Variants in USP24 observed in about 807,000 individuals in gnomAD.
USP24 encodes the protein ubiquitin specific peptidase 24.
Under a neutral mutation model 361.6 loss-of-function variants are expected in USP24, and 97 were observed. That is an observed-to-expected ratio of 0.27 (90% CI 0.23 to 0.32). The LOEUF (loss-of-function observed/expected upper bound fraction) is 0.32, where lower values mean the gene tolerates loss of function less well. Ranked by LOEUF, USP24 falls within the 10% of genes least tolerant of loss-of-function variation. USP24 has a pLI of 1.00. For missense variants in USP24, 2,353 were observed against 3,165.6 expected (o/e 0.74, Z 6.16); for synonymous variants, 1,098 against 1,124.6 (o/e 0.98, Z 0.47).
At chr1:55,198,402 G>A (rs568747224) in intron 1 of USP24, among the ~76,000 whole-genome samples, 1 of 152,178 alleles carries the variant, frequency 6.6e-6, no homozygotes, top group South Asian at 2.1e-4. Flanking sequence ...AGGCATTTCC[G>A]TTTTTGTGTG....
intron 56 of USP24, 147 bp from the exon 57 acceptor site, chr1:55,084,035 A>G: frequency 1.5e-6 from 1 of 655,746 alleles, no homozygotes; most frequent in Non-Finnish European, 2.6e-6. Flanking sequence ...TATGCTTTGA[A>G]GAGCAAAAAC....
Position 55,096,551 on chromosome 1 carries a change from G to A in USP24, c.6008C>T (p.Thr2003Ile), listed in dbSNP as rs771580949. ...TCCTCCAAAGCATTCATACTCCAGG[G>A]TCTCGTCATTTAGGTCAAATTCTTC... is the stretch of plus-strand genomic sequence containing the variant. ...VIEEFDLNDE[T>I]LEYECFGGEY... Residue 2003 changes from threonine (T) to isoleucine (I), a missense_variant, in exon 50 of 68, where the codon ACC (threonine) becomes ATC (isoleucine). By Grantham distance (89) the Thr-to-Ile change is moderately conservative. Around this residue, in one of 8 missense-constraint regions of USP24, gnomAD observed 598 missense variants for 761.9 expected, o/e 0.78. Transcript: ENST00000294383. 2 of 1,612,788 alleles carry A rather than the reference G, an allele frequency of 1.2e-6. No individual in the cohort carries two copies. The highest frequency in any genetic ancestry group is 1.7e-6 in the Non-Finnish European group (2 of 1,179,474).
chr1:55,150,822 A>G (rs116753306), intron 16 of USP24, among the ~76,000 whole-genome samples: 2 of 152,344 alleles, frequency 1.3e-5, no homozygotes, highest in Non-Finnish European at 2.9e-5. Flanking sequence ...GTTATAAGAA[A>G]AATTTAAATT....
intron 1 of USP24, among the ~76,000 whole-genome samples, chr1:55,190,317 C>T (rs1247259383): frequency 6.6e-6 from 1 of 152,078 alleles, no homozygotes; most frequent in Admixed American, 6.6e-5. Flanking sequence ...TGATACAAAG[C>T]AGCACTACAT....
At chr1:55,085,123 C>G (rs916060625) in intron 56 of USP24, among the ~76,000 whole-genome samples, 2 of 152,184 alleles carry the variant, frequency 1.3e-5, no homozygotes, top group African/African-American at 4.8e-5. Flanking sequence ...TTAAGCTGAT[C>G]AAAACCACTG....
intron 60 of USP24, 124 bp downstream of exon 60, chr1:55,079,414 A>C (rs1273536828): frequency 7.5e-7 from 1 of 1,337,964 alleles, no homozygotes; most frequent in Non-Finnish European, 1.0e-6. Context: ...TTGACATATA[A>C]GAAAACTTAA....
chr1:55,175,104 C>CAAAAGTATATATATATATATATATAT, intron 3 of USP24, among the ~76,000 whole-genome samples: 1 of 150,806 alleles, frequency 6.6e-6, no homozygotes, highest in African/African-American at 2.4e-5. Context: ...GCTACTTTTG[C>CAAAAGTATATATATATATATATATAT]TTCTAAAATT....
At chr1:55,094,504 A>C (rs1282362920) in intron 51 of USP24, among the ~76,000 whole-genome samples, 1 of 152,132 alleles carries the variant, frequency 6.6e-6, no homozygotes, top group South Asian at 2.1e-4. Context: ...AAAGTATTGA[A>C]CCAAGTTTTC....
intron 1 of USP24, among the ~76,000 whole-genome samples, chr1:55,196,760 T>G (rs1644429762): frequency 6.6e-6 from 1 of 152,232 alleles, no homozygotes; most frequent in Non-Finnish European, 1.5e-5. Flanking sequence ...AAACCTTCGA[T>G]GCCTTTGTTC....
intron 54 of USP24, among the ~76,000 whole-genome samples, chr1:55,090,622 A>G (rs1203620196): frequency 6.6e-6 from 1 of 152,212 alleles, no homozygotes; most frequent in Non-Finnish European, 1.5e-5. Context: ...TGGGAACTTA[A>G]GTAGTCTTTT....
chr1:55,147,209 TTACAAA>T (rs1170964289), intron 18 of USP24, 149 bp from the exon 19 acceptor site: 2 of 812,882 alleles, frequency 2.5e-6, no homozygotes, highest in Non-Finnish European at 3.5e-6. Context: ...AGAATTCTGT[TTACAAA>T]TTGATAGTAC....
At chr1:55,117,802 T>C (rs1308082227) in intron 38 of USP24, among the ~76,000 whole-genome samples, 1 of 148,750 alleles carries the variant, frequency 6.7e-6, no homozygotes, top group East Asian at 2.0e-4. Flanking sequence ...TTCAGCAAAG[T>C]TGCAGCATAC....
chr1:55,080,962 C>T (rs548541130), intron 59 of USP24, among the ~76,000 whole-genome samples: 100 of 152,232 alleles, frequency 6.6e-4, no homozygotes, highest in African/African-American at 2.0e-3. Flanking sequence ...AAGATCAGAA[C>T]GGTCAGGTTC....
intron 55 of USP24, among the ~76,000 whole-genome samples, chr1:55,087,218 C>T (rs1046797083): frequency 1.3e-5 from 2 of 151,958 alleles, no homozygotes; most frequent in East Asian, 1.9e-4. Flanking sequence ...TCTTCAAACA[C>T]GAAATCATAG....
At chr1:55,193,672 A>G (rs1322320482) in intron 1 of USP24, among the ~76,000 whole-genome samples, 1 of 152,194 alleles carries the variant, frequency 6.6e-6, no homozygotes, top group Non-Finnish European at 1.5e-5. Flanking sequence ...GTAAAGGAGA[A>G]CTAATACGTC....
Position 55,066,374 on chromosome 1 carries a change from T to C in USP24, c.*2671A>G, listed in dbSNP as rs1157276513. 6.6e-6 allele frequency: 1 copy of C among 152,130 alleles called. No homozygotes were observed. The highest frequency in any genetic ancestry group is 6.5e-5 in the Admixed American group (1 of 15,272). The allele number at this position is 152,130 out of a possible 1,614,324, so 9.4% of individuals were successfully genotyped here. A position where few individuals can be genotyped will look rare whatever the true frequency, so the allele number is the denominator to read the frequency against. On this transcript the variant is annotated 3_prime_UTR_variant, in exon 68 of 68. Coordinates refer to ENST00000294383, the MANE Select transcript of USP24 (RefSeq NM_015306.3). Reference sequence around the variant, plus strand: ...AGACTCCAACTCTGTTTTTGAAAAATTTATTTTATACTCTTAGAAGCTAAG... The same window carrying C: ...AGACTCCAACTCTGTTTTTGAAAAACTTATTTTATACTCTTAGAAGCTAAG...
At chr1:55,136,029 T>C (rs1646724907) in intron 28 of USP24, among the ~76,000 whole-genome samples, 2 of 152,174 alleles carry the variant, frequency 1.3e-5, no homozygotes, top group Non-Finnish European at 2.9e-5. Context: ...TCATGGAGCT[T>C]ACATTTTATT....
chr1:55,214,927 TGG>T lies in USP24; in HGVS notation c.185_186del (p.Pro62GlnfsTer15). 1 of 1,361,134 alleles carries T rather than the reference TGG, an allele frequency of 7.3e-7. No homozygotes were observed. 84.3% of individuals were successfully genotyped at this position (1,361,134 alleles called of 1,614,324 possible). On this transcript the variant is annotated frameshift_variant, in exon 1 of 68. Transcript: ENST00000294383. LOFTEE classifies it high-confidence loss of function. ...CGCGGGCCCCCGCCGGGCCCGGGGC[TGG>T]GGCCACCGCCGCTGTCCATGGGCTC... ...GYEPMDSGGG[P>X]SPGPGGGPRG...
At chr1:55,209,698 G>A (rs537328711) in intron 1 of USP24, among the ~76,000 whole-genome samples, 69 of 152,064 alleles carry the variant, frequency 4.5e-4, no homozygotes, top group Non-Finnish European at 8.8e-4. Context: ...CTTAGTGAGT[G>A]GAGTGCATGA....
Sources: allele counts gnomAD v4.1 joint callset (sites outside exome capture counted in the v4.1 genomes callset), GRCh38; gene constraint gnomAD v4.1.1; regional missense constraint gnomAD v4.1.1; transcripts MANE v1.5; gene names NCBI Gene and HGNC (gene_info 2026-07-23, HGNC 2026-07-21).